The following NKAIN2 variants were observed in gnomAD, a reference collection of about 807,000 sequenced individuals.
NKAIN2 encodes sodium/potassium transporting ATPase interacting 2.
In NKAIN2, 14 loss-of-function variants were observed where a neutral mutation model predicts 32.6. That is an observed-to-expected ratio of 0.43 (90% confidence interval 0.28 to 0.67). The LOEUF is 0.67. NKAIN2 is among the 30% of genes least tolerant of loss of function. NKAIN2 has a pLI of 0.17. For missense variants in NKAIN2, 198 were observed against 258.3 expected (o/e 0.77, Z 1.60); for synonymous variants, 80 against 87.2 (o/e 0.92, Z 0.46).
intron 2 of NKAIN2, among the ~76,000 whole-genome samples, chr6:124,322,644 C>T (rs547483466): frequency 6.6e-6 from 1 of 152,068 alleles, no homozygotes; most frequent in East Asian, 1.9e-4. Context: ...AAATATTCAC[C>T]CAATATTTAA....
intron 4 of NKAIN2, among the ~76,000 whole-genome samples, chr6:124,759,588 AACACACACACACACACACACACACAC>A (rs542448143): frequency 0.13 from 11,110 of 84,446 alleles, 838 homozygotes; most frequent in Middle Eastern, 0.21. Flanking sequence ...CTGAAATTGC[AACACACACACACACACACACACACAC>A]ACACACACAC....
At chr6:124,490,829 A>G (rs1395746846) in intron 3 of NKAIN2, among the ~76,000 whole-genome samples, 1 of 151,810 alleles carries the variant, frequency 6.6e-6, no homozygotes, top group Non-Finnish European at 1.5e-5. Context: ...GCAGAGGGCT[A>G]GAGTGCATTT....
intron 3 of NKAIN2, among the ~76,000 whole-genome samples, chr6:124,587,365 G>A (rs1207416634): frequency 2.0e-5 from 3 of 151,790 alleles, no homozygotes; most frequent in Non-Finnish European, 4.4e-5. Context: ...AATTACAGGC[G>A]CATGCCACCA....
chr6:124,418,282 A>G (rs1774586500), intron 3 of NKAIN2, among the ~76,000 whole-genome samples: 1 of 151,984 alleles, frequency 6.6e-6, no homozygotes, highest in South Asian at 2.1e-4. Flanking sequence ...CTAAGACAAT[A>G]TTTTATAAAG....
intron 1 of NKAIN2, among the ~76,000 whole-genome samples, chr6:123,944,601 T>A (rs1432112724): frequency 6.6e-6 from 1 of 151,930 alleles, no homozygotes; most frequent in African/African-American, 2.4e-5. Flanking sequence ...TACTGATGCC[T>A]AAAAAAAGAA....
intron 1 of NKAIN2, among the ~76,000 whole-genome samples, chr6:123,833,875 G>A (rs1774496434): frequency 6.6e-6 from 1 of 151,554 alleles, no homozygotes; most frequent in South Asian, 2.1e-4. Flanking sequence ...TTACAGGTGT[G>A]CGCCACCATG....
At chr6:124,302,126 G>T (rs1796315281) in intron 2 of NKAIN2, among the ~76,000 whole-genome samples, 1 of 152,174 alleles carries the variant, frequency 6.6e-6, no homozygotes. Context: ...AGTCTCACAA[G>T]ATCTGACGTT....
At chr6:123,820,766 C>T (rs1013951489) in intron 1 of NKAIN2, among the ~76,000 whole-genome samples, 4 of 152,114 alleles carry the variant, frequency 2.6e-5, no homozygotes, top group African/African-American at 9.7e-5. Context: ...GATATTGTTG[C>T]CAACATTTTG....
intron 1 of NKAIN2, among the ~76,000 whole-genome samples, chr6:124,264,557 T>C (rs956811900): frequency 2.6e-5 from 4 of 152,204 alleles, no homozygotes; most frequent in Non-Finnish European, 4.4e-5. Flanking sequence ...TTGCTTCTGA[T>C]GAAATTGCTC....
intron 1 of NKAIN2, among the ~76,000 whole-genome samples, chr6:123,879,754 G>A (rs1213655585): frequency 6.6e-6 from 1 of 152,230 alleles, no homozygotes; most frequent in African/African-American, 2.4e-5. Flanking sequence ...GCTGTTTCCA[G>A]TGTACCTTTC....
chr6:124,029,303 A>G (rs925781520), intron 1 of NKAIN2, among the ~76,000 whole-genome samples: 9 of 151,928 alleles, frequency 5.9e-5, no homozygotes, highest in African/African-American at 2.2e-4. Flanking sequence ...TGTTCTTTTA[A>G]AAGTCAATAA....
In NKAIN2 at chr6:124,387,009, A is replaced by G. The variant is rs189667630; in HGVS notation, c.273+31662A>G. The stretch of plus-strand genomic sequence containing the variant: ...TTCAAACTAATTTCTTATTCTTCTT[A>G]GTGCCTCAGAGTAGATCCTTTTCAT... On this transcript the variant is annotated intron_variant, in intron 3 of 6. Coordinates refer to ENST00000368417, the MANE Select transcript of NKAIN2 (RefSeq NM_001040214.3). Among the ~76,000 whole-genome samples, 676 of 152,214 alleles carry G rather than the reference A, an allele frequency of 4.4e-3. 3 individuals are homozygous for G. The highest frequency in any genetic ancestry group is 7.0e-3 in the Admixed American group (107 of 15,274).
chr6:124,761,267 G>A (rs1028319021), intron 4 of NKAIN2, among the ~76,000 whole-genome samples: 1 of 152,148 alleles, frequency 6.6e-6, no homozygotes, highest in Non-Finnish European at 1.5e-5. Context: ...AGAACAGATA[G>A]TTACCACACA....
intron 4 of NKAIN2, among the ~76,000 whole-genome samples, chr6:124,737,743 G>C (rs1408914835): frequency 6.6e-6 from 1 of 151,878 alleles, no homozygotes; most frequent in Non-Finnish European, 1.5e-5. Flanking sequence ...TACTGATACA[G>C]ACAATAAGGT....
intron 1 of NKAIN2, among the ~76,000 whole-genome samples, chr6:123,984,265 T>C (rs1227972706): frequency 6.6e-6 from 1 of 152,146 alleles, no homozygotes; most frequent in Non-Finnish European, 1.5e-5. Context: ...ATTGCTGTTG[T>C]TACTATTCTT....
At chr6:124,173,153 A>G (rs913494473) in intron 1 of NKAIN2, among the ~76,000 whole-genome samples, 5 of 152,136 alleles carry the variant, frequency 3.3e-5, no homozygotes, top group Non-Finnish European at 5.9e-5. Flanking sequence ...GTCTAATTGC[A>G]TGATATAAAA....
chr6:123,919,084 C>T (rs1775626455), intron 1 of NKAIN2, among the ~76,000 whole-genome samples: 2 of 151,914 alleles, frequency 1.3e-5, no homozygotes, highest in South Asian at 4.1e-4. Context: ...TTGGCAAAAA[C>T]CAACAAAAGA....
At chr6:124,183,074 TAAAAATGTA>T (rs939471373) in intron 1 of NKAIN2, among the ~76,000 whole-genome samples, 4 of 152,140 alleles carry the variant, frequency 2.6e-5, no homozygotes, top group Admixed American at 1.3e-4. Flanking sequence ...TATCTACTTT[TAAAAATGTA>T]ATTTGAGAAT....
At chr6:124,556,104 A>G (rs1014710314) in intron 3 of NKAIN2, among the ~76,000 whole-genome samples, 2 of 147,146 alleles carry the variant, frequency 1.4e-5, no homozygotes, top group African/African-American at 5.0e-5. Flanking sequence ...AAAAAAAAAA[A>G]TGAAGAATCT....
Sources: allele counts gnomAD v4.1 joint callset (sites outside exome capture counted in the v4.1 genomes callset), GRCh38; gene constraint gnomAD v4.1.1; transcripts MANE v1.5; gene names NCBI Gene and HGNC (gene_info 2026-07-23, HGNC 2026-07-21).